Variants in PRIM2 observed in about 807,000 individuals in gnomAD.
PRIM2 encodes DNA primase large subunit.
Under a neutral mutation model 67.3 loss-of-function variants are expected in PRIM2, and 39 were observed. The ratio of observed to expected loss-of-function variants is 0.58; its 90% CI spans 0.45 to 0.76. The LOEUF (loss-of-function observed/expected upper bound fraction) is 0.76. Ranked by LOEUF, PRIM2 falls within the 30% of genes least tolerant of loss-of-function variation. PRIM2 has a pLI of 0.00. For missense variants in PRIM2, 398 were observed against 598.7 expected, an observed-to-expected ratio of 0.66 and a Z score of 3.50; for synonymous variants, 143 against 198.7, an observed-to-expected ratio of 0.72 and a Z score of 2.36.
chr6:57,297,931 G>A, the PRIM2 span, among the ~76,000 whole-genome samples: 4 of 152,276 alleles, frequency 2.6e-5, no homozygotes, highest in African/African-American at 7.2e-5. Context: ...TAAATGCAAC[G>A]CGGGATCATG....
chr6:57,239,419 A>G, the PRIM2 span, among the ~76,000 whole-genome samples: 2 of 151,736 alleles, frequency 1.3e-5, no homozygotes, highest in African/African-American at 4.9e-5. Context: ...TTCTAGTTTT[A>G]CCACTTCTTT....
chr6:57,513,195 C>A (rs1774405969), intron 8 of PRIM2, among the ~76,000 whole-genome samples: 1 of 150,836 alleles, frequency 6.6e-6, no homozygotes, highest in Non-Finnish European at 1.5e-5. Flanking sequence ...ACTGCATTTT[C>A]TAGGGTGAAT....
At chr6:57,427,425 T>TC (rs1771669110) in intron 7 of PRIM2, among the ~76,000 whole-genome samples, 1 of 152,174 alleles carries the variant, frequency 6.6e-6, no homozygotes, top group Non-Finnish European at 1.5e-5. Context: ...TTCAAGCTAT[T>TC]CTTTTGCCTC....
intron 7 of PRIM2, among the ~76,000 whole-genome samples, chr6:57,448,130 A>G (rs1772424554): frequency 6.6e-6 from 1 of 152,208 alleles, no homozygotes; most frequent in African/African-American, 2.4e-5. Flanking sequence ...GCCGATCTTT[A>G]TTTATTAAGA....
intron 8 of PRIM2, among the ~76,000 whole-genome samples, chr6:57,527,360 G>T (rs1348835608): frequency 6.6e-6 from 1 of 152,174 alleles, no homozygotes; most frequent in Non-Finnish European, 1.5e-5. Flanking sequence ...CAGTCACTCA[G>T]GCTAGAAACT....
At chr6:57,538,177 G>A (rs1348582495) in intron 10 of PRIM2, among the ~76,000 whole-genome samples, 21,863 of 151,756 alleles carry the variant, frequency 0.14, 2,539 homozygotes, top group African/African-American at 0.32. Flanking sequence ...ATTATGCCTG[G>A]CTAATTTTTT....
At chr6:57,424,488 G>A (rs1200426407) in intron 7 of PRIM2, among the ~76,000 whole-genome samples, 1 of 152,140 alleles carries the variant, frequency 6.6e-6, no homozygotes, top group Non-Finnish European at 1.5e-5. Context: ...ACATGAGTAA[G>A]TGCTAAAATA....
intron 7 of PRIM2, among the ~76,000 whole-genome samples, chr6:57,463,336 T>TA (rs1023372029): frequency 6.6e-6 from 1 of 152,006 alleles, no homozygotes; most frequent in Non-Finnish European, 1.5e-5. Flanking sequence ...CTACAAAAAA[T>TA]AAAAAATTAG....
At chr6:57,585,783 GT>G (rs1776176981) in intron 10 of PRIM2, among the ~76,000 whole-genome samples, 1 of 152,204 alleles carries the variant, frequency 6.6e-6, no homozygotes. Context: ...CCTGACTTAA[GT>G]TTGGCCAAGG....
chr6:57,462,446 G>C (rs1773039434), intron 7 of PRIM2, among the ~76,000 whole-genome samples: 2 of 152,184 alleles, frequency 1.3e-5, no homozygotes, highest in Non-Finnish European at 2.9e-5. Context: ...AAGTCCCATG[G>C]ACATTAGATA....
chr6:57,595,265 TTC>T (rs1776345639), intron 10 of PRIM2, among the ~76,000 whole-genome samples: 1 of 152,146 alleles, frequency 6.6e-6, no homozygotes, highest in Non-Finnish European at 1.5e-5. Context: ...TGTAAGAATG[TTC>T]ATGGCCACTT....
the PRIM2 span, among the ~76,000 whole-genome samples, chr6:57,264,506 A>G: frequency 1.3e-5 from 2 of 151,364 alleles, no homozygotes; most frequent in Non-Finnish European, 2.9e-5. Flanking sequence ...CAGCCCCATC[A>G]TTTTATCATT....
intron 10 of PRIM2, among the ~76,000 whole-genome samples, chr6:57,583,680 G>C (rs1776139585): frequency 6.6e-6 from 1 of 152,136 alleles, no homozygotes; most frequent in African/African-American, 2.4e-5. Flanking sequence ...TAGTCCTTGG[G>C]GTATATACCC....
intron 7 of PRIM2, among the ~76,000 whole-genome samples, chr6:57,506,565 G>A (rs1774255333): frequency 1.3e-5 from 2 of 151,980 alleles, no homozygotes. Flanking sequence ...ATTGAATCTT[G>A]AAGACATTTA....
intron 5 of PRIM2, among the ~76,000 whole-genome samples, chr6:57,356,503 A>G (rs1215951275): frequency 6.6e-6 from 1 of 152,232 alleles, no homozygotes; most frequent in Non-Finnish European, 1.5e-5. Context: ...ATATATGTAG[A>G]GTAATAAGTT....
intron 10 of PRIM2, among the ~76,000 whole-genome samples, chr6:57,597,832 G>T (rs1325814960): frequency 6.6e-6 from 1 of 152,078 alleles, no homozygotes; most frequent in Non-Finnish European, 1.5e-5. Flanking sequence ...CCAAAATATG[G>T]CCTGCCCACC....
At chr6:57,521,519 A>G (rs1417253100) in intron 8 of PRIM2, among the ~76,000 whole-genome samples, 45 of 152,104 alleles carry the variant, frequency 3.0e-4, no homozygotes, top group Admixed American at 1.1e-3. Context: ...GCTTTATGTG[A>G]AAAGGCTGTA....
At chr6:57,398,656 C>G (rs1770604040) in intron 7 of PRIM2, among the ~76,000 whole-genome samples, 1 of 152,162 alleles carries the variant, frequency 6.6e-6, no homozygotes, top group African/African-American at 2.4e-5. Context: ...AGAGGTCCAT[C>G]AGATCCATTT....
chr6:57,598,021 G>A (rs1776398112), intron 10 of PRIM2, among the ~76,000 whole-genome samples: 2 of 152,150 alleles, frequency 1.3e-5, no homozygotes, highest in African/African-American at 4.8e-5. Context: ...AATCATAGGA[G>A]TAAAAACTAT....
Sources: allele counts gnomAD v4.1 joint callset (sites outside exome capture counted in the v4.1 genomes callset), GRCh38; gene constraint gnomAD v4.1.1; transcripts MANE v1.5; gene names NCBI Gene and HGNC (gene_info 2026-07-23, HGNC 2026-07-21).